CPLANE1: variants seen among roughly 807,000 people sequenced by gnomAD.
CPLANE1 encodes ciliogenesis and planar polarity effector 1.
CPLANE1 carries 263 observed loss-of-function variants against 362.5 expected under a neutral mutation model. The observed-to-expected ratio is 0.73, with a 90% CI of 0.66 to 0.80. The LOEUF (loss-of-function observed/expected upper bound fraction) is 0.80. Ranked by LOEUF, CPLANE1 falls within the 30% of genes least tolerant of loss-of-function variation. The pLI is 0.00. For missense variants in CPLANE1, 3,461 were observed against 3,793.4 expected (o/e 0.91, Z 2.30); for synonymous variants, 1,212 against 1,302.6 (o/e 0.93, Z 1.50).
At chr5:37,224,387 A>C (rs987805252) in intron 13 of CPLANE1, 54 bp from the exon 14 acceptor site, 89 of 1,379,094 alleles carry the variant, frequency 6.5e-5, no homozygotes, top group Non-Finnish European at 8.8e-5. Context: ...ACTTCATAAA[A>C]ATTTACTTTG....
intron 24 of CPLANE1, among the ~76,000 whole-genome samples, chr5:37,185,501 G>A (rs1173856406): frequency 1.3e-5 from 2 of 151,990 alleles, no homozygotes; most frequent in African/African-American, 2.4e-5. Flanking sequence ...CTTACTAAAA[G>A]TAATAAGAAA....
chr5:37,230,860 G>A lies in CPLANE1; in HGVS notation c.1121+7C>T, dbSNP rs776591358. ...ATAAACAAATTAACACAATTCAAAT[G>A]TCTCACCTATACGTTATTAGTGGAT... is the stretch of plus-strand genomic sequence containing the variant. On this transcript the variant is annotated splice_region_variant and intron_variant, in intron 9 of 52. Coordinates refer to ENST00000651892, the MANE Select transcript of CPLANE1 (RefSeq NM_001384732.1). The A allele has an allele frequency of 9.7e-6, 14 of 1,446,092 alleles. No homozygotes were observed. The highest frequency in any genetic ancestry group is 5.8e-5 in the African/African-American group (4 of 69,352). The allele number at this position is 1,446,092 out of a possible 1,614,324, so 89.6% of individuals were successfully genotyped here. A position where few individuals can be genotyped will look rare whatever the true frequency, so the allele number is the denominator to read the frequency against.
At position 37,209,676 on chromosome 5, in the gene CPLANE1, G is replaced by A; in HGVS notation, c.2921-3251C>T. Reference sequence around the variant, plus strand: ...AGAAAGTGGTTTGGCAAAAGAAAAGGTATTTACTATGCAGGATCTATTACA... The same window carrying A: ...AGAAAGTGGTTTGGCAAAAGAAAAGATATTTACTATGCAGGATCTATTACA... On this transcript the variant is annotated intron_variant, in intron 16 of 52. Coordinates refer to ENST00000651892, the MANE Select transcript of CPLANE1 (RefSeq NM_001384732.1). This position sits in a 1 kb window ranked among gnomAD's most constrained non-coding sequence, Gnocchi z 4.6. 7.6e-7 allele frequency: 1 copy of A among 1,317,826 alleles called. No individual in the cohort carries two copies. 81.6% of individuals were successfully genotyped at this position (1,317,826 alleles called of 1,614,324 possible).
chr5:37,085,848 G>A, the CPLANE1 span: 6 of 1,202,882 alleles, frequency 5.0e-6, no homozygotes, highest in East Asian at 1.2e-4. Flanking sequence ...CAGAGCAGTG[G>A]GTGAAATGGT....
At chr5:37,200,504 T>A (rs1400439415) in intron 19 of CPLANE1, among the ~76,000 whole-genome samples, 1 of 152,176 alleles carries the variant, frequency 6.6e-6, no homozygotes, top group Non-Finnish European at 1.5e-5. Flanking sequence ...GTAAAATGTT[T>A]TAGACTATTG....
At chr5:37,105,322 C>CAAAAACAAAACA (rs529442994), downstream of CPLANE1, among the ~76,000 whole-genome samples, 1 of 151,876 alleles carries the variant, frequency 6.6e-6, no homozygotes, top group Non-Finnish European at 1.5e-5. Flanking sequence ...AAAACAAAAA[C>CAAAAACAAAACA]AAAAACAAAA....
intron 51 of CPLANE1, among the ~76,000 whole-genome samples, chr5:37,109,200 C>T (rs1360475814): frequency 6.6e-6 from 1 of 152,096 alleles, no homozygotes; most frequent in Non-Finnish European, 1.5e-5. Context: ...CATGTGGCTC[C>T]CTGAAGAGGG....
chr5:37,164,558 G>A (rs1001511178), intron 36 of CPLANE1, among the ~76,000 whole-genome samples: 6 of 152,028 alleles, frequency 3.9e-5, no homozygotes, highest in Admixed American at 3.3e-4. Context: ...TTAATGTAAC[G>A]TTCCTAGGTT....
At chr5:37,158,158 T>C (rs1413174550) in intron 39 of CPLANE1, 66 bp downstream of exon 39, 6 of 1,521,962 alleles carry the variant, frequency 3.9e-6, no homozygotes, top group African/African-American at 1.4e-5. Context: ...AATTGAATAA[T>C]GTCTACATGA....
At position 37,164,361 on chromosome 5, in the gene CPLANE1, A is replaced by C. The variant is rs1288192778; in HGVS notation, c.7534-34T>G. 2.0e-6 allele frequency: 3 copies of C among 1,528,294 alleles called. No individual in the cohort carries two copies. The African/African-American group carries it at 4.1e-5, about 21-fold the overall frequency. 94.7% of individuals were successfully genotyped at this position (1,528,294 alleles called of 1,614,324 possible). ...ATTCCCACAGGATTACTCTATGATT[A>C]ACTCAAAGATGTGTATTATTTTTGA... On this transcript the variant is annotated intron_variant, in intron 36 of 52. Transcript: ENST00000651892.
At chr5:37,205,697 A>G (rs1361253532) in intron 17 of CPLANE1, among the ~76,000 whole-genome samples, 2 of 152,190 alleles carry the variant, frequency 1.3e-5, no homozygotes, top group African/African-American at 2.4e-5. Flanking sequence ...TTACTAACAC[A>G]TAAGTGTGCT....
chr5:37,138,465 T>C, intron 46 of CPLANE1: 1 of 582,524 alleles, frequency 1.7e-6, no homozygotes, highest in South Asian at 1.5e-5. Flanking sequence ...CATTAATTAC[T>C]TCTAGTAAGA....
At chr5:37,188,674 C>A (rs950792684) in intron 21 of CPLANE1, among the ~76,000 whole-genome samples, 10 of 152,162 alleles carry the variant, frequency 6.6e-5, no homozygotes, top group African/African-American at 2.4e-4. Context: ...TGGGTATCTA[C>A]CCAGAGGAAA....
the CPLANE1 span, among the ~76,000 whole-genome samples, chr5:37,080,562 A>G: frequency 6.6e-6 from 1 of 152,238 alleles, no homozygotes; most frequent in Non-Finnish European, 1.5e-5. Context: ...GCAAAAGCCC[A>G]TGTGAGAGAG....
chr5:37,138,910 C>G, intron 45 of CPLANE1, 62 bp from the exon 46 acceptor site: 1 of 1,366,378 alleles, frequency 7.3e-7, no homozygotes, highest in Non-Finnish European at 1.0e-6. Context: ...TTACATTAAG[C>G]AAAAATAAAC....
chr5:37,085,489 G>C, the CPLANE1 span: 1 of 811,314 alleles, frequency 1.2e-6, no homozygotes, highest in Non-Finnish European at 2.2e-6. Context: ...GATGCTCACA[G>C]CATCCGCTAC....
intron 35 of CPLANE1, 102 bp downstream of exon 35, chr5:37,166,945 G>T: frequency 1.1e-6 from 1 of 886,774 alleles, no homozygotes; most frequent in Non-Finnish European, 1.7e-6. Flanking sequence ...ATGTGCAATT[G>T]TGTATAGCCT....
chr5:37,120,268 A>G lies in CPLANE1; in HGVS notation c.9258T>C (p.Tyr3086=), dbSNP rs1561310020. 1.2e-6 allele frequency: 2 copies of G among 1,602,506 alleles called. No homozygotes were observed. The highest frequency in any genetic ancestry group is 2.7e-5 in the African/African-American group (2 of 74,398). The part of the protein sequence containing the change: ...GKVKYMSKPS[Y]IHKRKSFGQP... ...GCCCAAAAGACTTCCTCTTATGGAT[A>G]TAACTCGGTTTGGACATATATTTGA... Residue 3086 remains tyrosine, a synonymous_variant, in exon 50 of 53, where the codon TAT becomes TAC. Coordinates refer to ENST00000651892, the MANE Select transcript of CPLANE1 (RefSeq NM_001384732.1).
intron 46 of CPLANE1, 30 bp downstream of exon 46, chr5:37,138,690 C>T (rs1233346111): frequency 6.3e-7 from 1 of 1,586,030 alleles, no homozygotes; most frequent in African/African-American, 1.4e-5. Context: ...GCATTTTAAA[C>T]AGGTTAAAAA....
Sources: gnomAD v4.1 joint callset for allele counts (sites outside exome capture counted in the v4.1 genomes callset) on GRCh38, gnomAD v4.1.1 for gene constraint, Gnocchi (gnomAD v3.1) non-coding constraint, MANE v1.5 for transcripts, NCBI Gene and HGNC (gene_info 2026-07-23, HGNC 2026-07-21) for gene names.